The following KRABD2 variants were observed in gnomAD, a reference collection of about 807,000 sequenced individuals.
KRABD2 encodes the protein KRAB domain containing 2, also known as KRAB domain-containing protein 2.
chr17:8,375,690 T>A, the KRABD2 span: 1,200 of 176,298 alleles, frequency 6.8e-3, 7 homozygotes, highest in African/African-American at 0.028. Flanking sequence ...AGCTAATTTT[T>A]TCTTTTCTTT....
chr17:8,370,613 G>A, the KRABD2 span, among the ~76,000 whole-genome samples: 37 of 152,304 alleles, frequency 2.4e-4, no homozygotes, highest in African/African-American at 8.7e-4. Context: ...CAAATATGTA[G>A]AGGTTTTAGA....
At chr17:8,363,830 C>CATACAT in the KRABD2 span, among the ~76,000 whole-genome samples, 347 of 86,950 alleles carry the variant, frequency 4.0e-3, 12 homozygotes, top group African/African-American at 0.017. Flanking sequence ...ATATATCATA[C>CATACAT]ATATATATAT....
the KRABD2 span, chr17:8,369,882 A>G: frequency 1.9e-6 from 3 of 1,614,192 alleles, no homozygotes; most frequent in Non-Finnish European, 2.5e-6. Context: ...TCTCTTGGGT[A>G]CTGGGTTCTT....
the KRABD2 span, among the ~76,000 whole-genome samples, chr17:8,360,255 A>G: frequency 6.6e-6 from 1 of 152,094 alleles, no homozygotes; most frequent in Non-Finnish European, 1.5e-5. Context: ...TTAAATGGAA[A>G]AGGGAAACTC....
At chr17:8,369,256 T>C in the KRABD2 span, 1 of 1,614,240 alleles carries the variant, frequency 6.2e-7, no homozygotes, top group South Asian at 1.1e-5. Context: ...TCTTCCTGCC[T>C]GATCCAAAGG....
the KRABD2 span, chr17:8,369,130 C>T: frequency 1.9e-6 from 3 of 1,606,392 alleles, no homozygotes; most frequent in South Asian, 2.2e-5. Flanking sequence ...CAGCAGCCAT[C>T]TGTTCACCAG....
the KRABD2 span, chr17:8,370,361 CAT>C: frequency 6.3e-7 from 1 of 1,583,548 alleles, no homozygotes; most frequent in Non-Finnish European, 8.6e-7. Context: ...CTCTCTGAGG[CAT>C]CATGGAGAGC....
the KRABD2 span, among the ~76,000 whole-genome samples, chr17:8,362,785 C>G: frequency 6.6e-6 from 1 of 152,202 alleles, no homozygotes; most frequent in African/African-American, 2.4e-5. This position sits in a 1 kb window ranked among gnomAD's most constrained non-coding sequence, Gnocchi z 4.2. Flanking sequence ...TTTGGCTCCT[C>G]TCAATGTGGG....
At chr17:8,368,131 TCCCTAGTAC>T in the KRABD2 span, among the ~76,000 whole-genome samples, 1 of 151,654 alleles carries the variant, frequency 6.6e-6, no homozygotes, top group African/African-American at 2.4e-5. Flanking sequence ...CAAGTTCAGG[TCCCTAGTAC>T]CTGTGAATGT....
chr17:8,376,155 C>T, the KRABD2 span: 1 of 1,231,688 alleles, frequency 8.1e-7, no homozygotes, highest in East Asian at 3.2e-5. Flanking sequence ...CTTTGGAGGG[C>T]CCACGAATAC....
the KRABD2 span, among the ~76,000 whole-genome samples, chr17:8,372,776 G>T: frequency 6.6e-6 from 1 of 152,204 alleles, no homozygotes; most frequent in Non-Finnish European, 1.5e-5. This position sits in a 1 kb window ranked among gnomAD's most constrained non-coding sequence, Gnocchi z 4.1. Context: ...ATAAAATAAT[G>T]AAGGCAACTG....
chr17:8,369,437 C>G, the KRABD2 span: 1 of 1,614,218 alleles, frequency 6.2e-7, no homozygotes. Flanking sequence ...TCCTCACCAT[C>G]TGCATGAATC....
the KRABD2 span, among the ~76,000 whole-genome samples, chr17:8,358,923 T>C: frequency 6.6e-6 from 1 of 152,172 alleles, no homozygotes. Flanking sequence ...TTTGATACAA[T>C]ATTATACTCT....
the KRABD2 span, among the ~76,000 whole-genome samples, chr17:8,362,402 CTAT>C: frequency 1.3e-5 from 2 of 151,994 alleles, no homozygotes; most frequent in Non-Finnish European, 2.9e-5. The surrounding 1 kb of genome is among the most constrained non-coding windows in gnomAD (Gnocchi z 4.2). Context: ...GTAGTGTTAA[CTAT>C]TATTCCAAGC....
chr17:8,370,365 A>T, the KRABD2 span: 4 of 1,579,870 alleles, frequency 2.5e-6, no homozygotes, highest in South Asian at 1.2e-5. Flanking sequence ...CTGAGGCATC[A>T]TGGAGAGCTG....
chr17:8,367,568 C>A, the KRABD2 span, among the ~76,000 whole-genome samples: 3 of 149,506 alleles, frequency 2.0e-5, no homozygotes, highest in East Asian at 5.9e-4. Flanking sequence ...GAGGCTGAGG[C>A]AGGAGAATTG....
the KRABD2 span, among the ~76,000 whole-genome samples, chr17:8,372,973 C>T: frequency 6.6e-6 from 1 of 152,218 alleles, no homozygotes; most frequent in African/African-American, 2.4e-5. This position sits in a 1 kb window ranked among gnomAD's most constrained non-coding sequence, Gnocchi z 4.1. Flanking sequence ...TGTAGAATCT[C>T]AGTCTTTAGT....
At chr17:8,360,827 T>C in the KRABD2 span, among the ~76,000 whole-genome samples, 2 of 152,036 alleles carry the variant, frequency 1.3e-5, no homozygotes, top group Non-Finnish European at 2.9e-5. Flanking sequence ...TGAAGAAGGG[T>C]AAAGTAATTG....
At chr17:8,363,577 A>C in the KRABD2 span, among the ~76,000 whole-genome samples, 2 of 151,826 alleles carry the variant, frequency 1.3e-5, no homozygotes, top group African/African-American at 2.4e-5. Context: ...CAAACTCCTG[A>C]CTTCAGGTGA....
Sources: gnomAD v4.1 joint callset for allele counts (sites outside exome capture counted in the v4.1 genomes callset) on GRCh38, gnomAD v4.1.1 for gene constraint, Gnocchi (gnomAD v3.1) non-coding constraint, MANE v1.5 for transcripts, NCBI Gene and HGNC (gene_info 2026-07-23, HGNC 2026-07-21) for gene names.